The following GREB1L variants were observed in gnomAD, a reference collection of about 807,000 sequenced individuals.
GREB1L encodes the protein GREB1-like protein.
In GREB1L, 17 loss-of-function variants were observed where a neutral mutation model predicts 200.8. That is an observed-to-expected ratio of 0.08 (90% CI 0.06 to 0.13). GREB1L has a LOEUF of 0.13. GREB1L is among the 10% of genes least tolerant of loss of function. The probability of loss-of-function intolerance (pLI) is 1.00; values close to 1 mark genes in which losing one functional copy is unlikely to be tolerated. For synonymous variants in GREB1L, 789 were observed against 893.0 expected (o/e 0.88, Z 2.08); for missense variants, 1,657 against 2,367.7 (o/e 0.70, Z 6.23).
chr18:21,281,194 GT>G (rs1293279541), intron 1 of GREB1L, among the ~76,000 whole-genome samples: 3 of 152,192 alleles, frequency 2.0e-5, no homozygotes, highest in Non-Finnish European at 4.4e-5. Context: ...CCTCACCTTT[GT>G]CTCCATACCT....
At chr18:21,410,575 A>C (rs2030854080) in intron 7 of GREB1L, among the ~76,000 whole-genome samples, 1 of 151,932 alleles carries the variant, frequency 6.6e-6, no homozygotes, top group Admixed American at 6.6e-5. Flanking sequence ...GAATTGCTTG[A>C]ACCCAGAAGG....
intron 4 of GREB1L, among the ~76,000 whole-genome samples, chr18:21,393,882 T>A (rs1203168867): frequency 1.3e-5 from 2 of 152,188 alleles, no homozygotes; most frequent in African/African-American, 4.8e-5. Context: ...TTTATCATAC[T>A]TTTATTCAGC....
At chr18:21,456,797 C>T (rs371244380) in intron 15 of GREB1L, among the ~76,000 whole-genome samples, 1 of 152,200 alleles carries the variant, frequency 6.6e-6, no homozygotes, top group South Asian at 2.1e-4. Flanking sequence ...CTACCGGCTT[C>T]TTTCTGCATT....
At chr18:21,430,988 CATTTATTTT>C (rs2033105012) in intron 7 of GREB1L, among the ~76,000 whole-genome samples, 1 of 135,202 alleles carries the variant, frequency 7.4e-6, no homozygotes, top group Non-Finnish European at 1.5e-5. Flanking sequence ...GTTTAATTTT[CATTTATTTT>C]ATTTATTTAT....
intron 15 of GREB1L, among the ~76,000 whole-genome samples, chr18:21,458,415 C>T (rs1198259105): frequency 1.3e-5 from 2 of 152,176 alleles, no homozygotes; most frequent in Non-Finnish European, 2.9e-5. Context: ...TGTCCAAGGT[C>T]TCTGTGTCCT....
At chr18:21,475,966 G>A (rs1291238455) in intron 16 of GREB1L, among the ~76,000 whole-genome samples, 15 of 56,966 alleles carry the variant, frequency 2.6e-4, no homozygotes, top group East Asian at 1.1e-3. Context: ...GAGAGACTCC[G>A]TCTCAAAAAA....
At chr18:21,376,540 C>T (rs903272419) in intron 2 of GREB1L, among the ~76,000 whole-genome samples, 2 of 151,670 alleles carry the variant, frequency 1.3e-5, no homozygotes, top group African/African-American at 2.4e-5. Flanking sequence ...CGCAGTGGCT[C>T]ATGCCTGTAA....
intron 1 of GREB1L, among the ~76,000 whole-genome samples, chr18:21,362,287 C>T (rs2039592596): frequency 6.6e-6 from 1 of 152,018 alleles, no homozygotes; most frequent in Non-Finnish European, 1.5e-5. Context: ...TTTTAACCTC[C>T]TCCCCACAAG....
chr18:21,467,789 C>G (rs2145629653), intron 15 of GREB1L, among the ~76,000 whole-genome samples: 1 of 152,166 alleles, frequency 6.6e-6, no homozygotes, highest in African/African-American at 2.4e-5. Context: ...CTTTGGGAGG[C>G]CAAGGCGGGC....
chr18:21,247,613 C>T (rs564411051), intron 1 of GREB1L, among the ~76,000 whole-genome samples: 1 of 152,092 alleles, frequency 6.6e-6, no homozygotes, highest in Non-Finnish European at 1.5e-5. Flanking sequence ...TTTCTTAACT[C>T]CTGTGCTTTA....
intron 7 of GREB1L, among the ~76,000 whole-genome samples, chr18:21,436,439 G>T (rs1235798863): frequency 6.6e-6 from 1 of 152,018 alleles, no homozygotes; most frequent in Non-Finnish European, 1.5e-5. Context: ...TTCCAGACCA[G>T]CCCAGGTTAC....
At chr18:21,420,589 A>G (rs1438680337) in intron 7 of GREB1L, among the ~76,000 whole-genome samples, 1 of 152,210 alleles carries the variant, frequency 6.6e-6, no homozygotes, top group African/African-American at 2.4e-5. Context: ...TTAAATAACA[A>G]TGAGATACCA....
intron 28 of GREB1L, among the ~76,000 whole-genome samples, chr18:21,514,587 G>C (rs995452436): frequency 6.6e-6 from 1 of 152,178 alleles, no homozygotes; most frequent in African/African-American, 2.4e-5. Context: ...CAAATCAGGA[G>C]ACCTGGTTTT....
chr18:21,444,666 G>A (rs1325721650), intron 11 of GREB1L, among the ~76,000 whole-genome samples: 1 of 152,060 alleles, frequency 6.6e-6, no homozygotes, highest in Admixed American at 6.6e-5. Flanking sequence ...TCATGATGCT[G>A]CAAAGGTCTC....
At chr18:21,436,717 T>TG (rs1568009671) in intron 7 of GREB1L, among the ~76,000 whole-genome samples, 90 of 147,860 alleles carry the variant, frequency 6.1e-4, no homozygotes, top group African/African-American at 2.1e-3. Context: ...TGTGTGTGTG[T>TG]TTTCTTTTTC....
In GREB1L at chr18:21,444,236, T is replaced by C. The variant is rs747779694; in HGVS notation, c.1220T>C (p.Leu407Ser). ...TCTATTGGGACAGGCTATGGCACTT[T>C]ACCCTATTTCTATGGAAATGTTGGT... is the stretch of plus-strand genomic sequence containing the variant. ...RPVILIGYGT[L>S]PYFYGNVGDI... The change falls in exon 11 of 33, where the codon TTA (leucine) becomes TCA (serine). Residue 407 changes from leucine (L) to serine (S), a missense_variant. Leu to Ser is a moderately radical substitution (Grantham distance 145). Transcript: ENST00000424526. 2.8e-5 allele frequency: 43 copies of C among 1,550,830 alleles called. No individual in the cohort carries two copies. Among genetic ancestry groups the C allele is most frequent in the Non-Finnish European group, 3.4e-5 (39 of 1,146,212 alleles).
chr18:21,309,075 T>C (rs1176829491), intron 1 of GREB1L, among the ~76,000 whole-genome samples: 1 of 152,244 alleles, frequency 6.6e-6, no homozygotes, highest in African/African-American at 2.4e-5. Context: ...GTCTTTTCTT[T>C]ATGTTGGCAT....
At chr18:21,484,272 T>C (rs1383196062) in intron 17 of GREB1L, among the ~76,000 whole-genome samples, 1 of 151,436 alleles carries the variant, frequency 6.6e-6, no homozygotes, top group East Asian at 2.0e-4. Flanking sequence ...ACCTCCGGGT[T>C]CAAGGTATTC....
intron 4 of GREB1L, 99 bp downstream of exon 4, chr18:21,384,502 A>T (rs1264203733): frequency 2.2e-6 from 2 of 892,592 alleles, no homozygotes; most frequent in Non-Finnish European, 3.4e-6. Flanking sequence ...GAAACTAGTA[A>T]TTATCGTATG....
Sources: gnomAD v4.1 joint callset for allele counts (sites outside exome capture counted in the v4.1 genomes callset) on GRCh38, gnomAD v4.1.1 for gene constraint, MANE v1.5 for transcripts, NCBI Gene and HGNC (gene_info 2026-07-23, HGNC 2026-07-21) for gene names.